PRIMA1: variants seen among roughly 807,000 people sequenced by gnomAD.
The protein encoded by PRIMA1 is proline rich membrane anchor 1.
PRIMA1 carries 7 observed loss-of-function variants against 17.5 expected under a neutral mutation model. The ratio of observed to expected loss-of-function variants is 0.40; its 90% CI spans 0.23 to 0.75. PRIMA1 has a LOEUF of 0.75. Ranked by LOEUF, PRIMA1 falls within the 30% of genes least tolerant of loss-of-function variation. PRIMA1 has a pLI of 0.37. For missense variants in PRIMA1, 200 were observed against 201.8 expected (o/e 0.99, Z 0.05); for synonymous variants, 97 against 77.9 (o/e 1.25, Z -1.29).
At chr14:93,748,035 TGG>T (rs2076235273) in intron 3 of PRIMA1, among the ~76,000 whole-genome samples, 1 of 50,508 alleles carries the variant, frequency 2.0e-5, no homozygotes, top group African/African-American at 6.2e-5. Context: ...GGACTGTGTG[TGG>T]GAGTGTGTGA....
intron 3 of PRIMA1, among the ~76,000 whole-genome samples, chr14:93,776,515 A>G (rs1396787106): frequency 6.6e-6 from 1 of 151,850 alleles, no homozygotes; most frequent in East Asian, 1.9e-4. Context: ...CCCCCACCTG[A>G]CTCCAGTCTG....
chr14:93,733,986 T>C (rs937895693), intron 4 of PRIMA1, among the ~76,000 whole-genome samples: 3 of 152,136 alleles, frequency 2.0e-5, no homozygotes, highest in Non-Finnish European at 2.9e-5. Flanking sequence ...TAGGCCGCCC[T>C]CCCCAGCCTC....
At position 93,719,084 on chromosome 14, in the gene PRIMA1, G is replaced by T. The variant is rs191960862; in HGVS notation, c.*2360C>A. On this transcript the variant is annotated 3_prime_UTR_variant, in exon 5 of 5. Transcript: ENST00000393140. ...TTGAGGTGGGGGGTGGATATTAAGT[G>T]AATCTTTTAAAAAAACTAGGCTCTT... 5 of 152,216 alleles carry T rather than the reference G, an allele frequency of 3.3e-5. No individual in the cohort carries two copies. The East Asian group carries it at 9.6e-4, about 29-fold the overall frequency. 9.4% of individuals were successfully genotyped at this position (152,216 alleles called of 1,614,324 possible).
At chr14:93,740,925 T>C (rs767077306) in intron 3 of PRIMA1, among the ~76,000 whole-genome samples, 1 of 152,232 alleles carries the variant, frequency 6.6e-6, no homozygotes, top group Non-Finnish European at 1.5e-5. Flanking sequence ...CTTCTTTACA[T>C]TCTCTGTTAG....
chr14:93,755,511 T>G (rs181087903), intron 3 of PRIMA1, among the ~76,000 whole-genome samples: 2 of 151,966 alleles, frequency 1.3e-5, no homozygotes, highest in Admixed American at 1.3e-4. Context: ...CAGAGCCGAG[T>G]AGGAATGGGG....
intron 3 of PRIMA1, among the ~76,000 whole-genome samples, chr14:93,759,316 C>T (rs1334670851): frequency 6.6e-6 from 1 of 152,164 alleles, no homozygotes; most frequent in East Asian, 1.9e-4. Context: ...GTAGTGCTTA[C>T]TCCCTAGTCA....
chr14:93,772,059 A>C (rs1176283384), intron 3 of PRIMA1, among the ~76,000 whole-genome samples: 1 of 152,254 alleles, frequency 6.6e-6, no homozygotes. Context: ...TTGAGGATTA[A>C]ATGAGATGAG....
At chr14:93,767,693 C>T (rs1361871060) in intron 3 of PRIMA1, among the ~76,000 whole-genome samples, 1 of 152,212 alleles carries the variant, frequency 6.6e-6, no homozygotes, top group Non-Finnish European at 1.5e-5. Flanking sequence ...GAATCTCCTG[C>T]CATTATGGGG....
chr14:93,724,696 A>G (rs112724016), intron 4 of PRIMA1, among the ~76,000 whole-genome samples: 3,567 of 152,310 alleles, frequency 0.023, 130 homozygotes, highest in African/African-American at 0.081. Flanking sequence ...AAAGGACATC[A>G]GCATCAGGAT....
intron 3 of PRIMA1, among the ~76,000 whole-genome samples, chr14:93,754,959 C>A (rs1416702684): frequency 6.6e-6 from 1 of 152,182 alleles, no homozygotes; most frequent in Non-Finnish European, 1.5e-5. Flanking sequence ...GCAGCTGAGG[C>A]CTTTGGGAAG....
intron 4 of PRIMA1, among the ~76,000 whole-genome samples, chr14:93,724,018 G>T (rs985011032): frequency 6.6e-6 from 1 of 152,172 alleles, no homozygotes; most frequent in African/African-American, 2.4e-5. Flanking sequence ...CTGAGTAGCT[G>T]GGATTACAGG....
intron 2 of PRIMA1, among the ~76,000 whole-genome samples, chr14:93,780,070 T>C (rs1411739338): frequency 6.6e-6 from 1 of 152,152 alleles, no homozygotes; most frequent in African/African-American, 2.4e-5. Context: ...CGTCCCATGC[T>C]CTCTCCCCAT....
chr14:93,779,972 G>A (rs760144215), intron 2 of PRIMA1, among the ~76,000 whole-genome samples: 11 of 152,220 alleles, frequency 7.2e-5, no homozygotes, highest in Non-Finnish European at 1.5e-4. Context: ...CCCCCAGAAA[G>A]ACCCAGATGC....
At chr14:93,730,909 G>C (rs1264647948) in intron 4 of PRIMA1, among the ~76,000 whole-genome samples, 1 of 152,196 alleles carries the variant, frequency 6.6e-6, no homozygotes, top group Non-Finnish European at 1.5e-5. Flanking sequence ...TCCCAGGGAG[G>C]AGCCATATTG....
At position 93,718,530 on chromosome 14, in the gene PRIMA1, A is replaced by G. The variant is rs2076017742; in HGVS notation, c.*2914T>C. On this transcript the variant is annotated 3_prime_UTR_variant, in exon 5 of 5. Coordinates refer to ENST00000393140, the MANE Select transcript of PRIMA1 (RefSeq NM_178013.4). ...CCAGTACACGCGGCACGTTGCTAAGAAGGCAGATTTCAGGATATTCACATT... is the reference window on the plus strand; with the variant it reads ...CCAGTACACGCGGCACGTTGCTAAGGAGGCAGATTTCAGGATATTCACATT... 1 of 152,564 alleles carries G rather than the reference A, an allele frequency of 6.6e-6. No individual in the cohort carries two copies. The highest frequency in any genetic ancestry group is 1.5e-5 in the Non-Finnish European group (1 of 68,044). The allele number at this position is 152,564 out of a possible 1,614,324, so 9.5% of individuals were successfully genotyped here.
chr14:93,732,358 C>G (rs976191355), intron 4 of PRIMA1, among the ~76,000 whole-genome samples: 6 of 152,214 alleles, frequency 3.9e-5, no homozygotes, highest in Non-Finnish European at 8.8e-5. Context: ...GATCTGAGGT[C>G]TACCTGGGCA....
intron 3 of PRIMA1, among the ~76,000 whole-genome samples, chr14:93,768,091 A>G (rs1884946533): frequency 6.6e-6 from 1 of 152,114 alleles, no homozygotes; most frequent in South Asian, 2.1e-4. Context: ...TTACCTCAAC[A>G]ACAAAAAAAT....
chr14:93,745,601 C>A (rs74076330), intron 3 of PRIMA1, among the ~76,000 whole-genome samples: 2,486 of 152,348 alleles, frequency 0.016, 68 homozygotes, highest in African/African-American at 0.057. Flanking sequence ...CTCAGGCCCC[C>A]ACCTGGGCAT....
At chr14:93,728,554 A>AAG (rs2076094293) in intron 4 of PRIMA1, among the ~76,000 whole-genome samples, 1 of 152,060 alleles carries the variant, frequency 6.6e-6, no homozygotes, top group Non-Finnish European at 1.5e-5. Flanking sequence ...TCTGGGTCTT[A>AAG]TCCTGACTGC....
Sources: allele counts gnomAD v4.1 joint callset (sites outside exome capture counted in the v4.1 genomes callset), GRCh38; gene constraint gnomAD v4.1.1; transcripts MANE v1.5; gene names NCBI Gene and HGNC (gene_info 2026-07-23, HGNC 2026-07-21).